Variants in RP1 observed in about 807,000 individuals in gnomAD.
RP1 encodes RP1 axonemal microtubule associated.
In RP1, 16 loss-of-function variants were observed where a neutral mutation model predicts 14.8. The ratio of observed to expected loss-of-function variants is 1.08; its 90% confidence interval spans 0.73 to 1.65. The LOEUF is 1.65. RP1 is among the 40% of genes most tolerant of loss of function. The pLI, the probability that RP1 is intolerant of heterozygous loss-of-function variation, is 0.00. For synonymous variants in RP1, 876 were observed against 883.6 expected, an observed-to-expected ratio of 0.99 and a Z score of 0.15; for missense variants, 2,631 against 2,535.0, an observed-to-expected ratio of 1.04 and a Z score of -0.81.
In RP1 at chr8:54,691,684, G is replaced by A. The variant is rs367999162; in HGVS notation, c.1718-7783G>A. Among the ~76,000 whole-genome samples, 7 of 152,062 alleles carry A rather than the reference G, an allele frequency of 4.6e-5. No homozygotes were observed. The East Asian group carries it at 1.2e-3, about 25-fold the overall frequency. On this transcript the variant is annotated intron_variant, in intron 12 of 22. Coordinates refer to the RP1 transcript ENST00000636932. Reference sequence around the variant, plus strand: ...AACACCTTTGAGTGAAGAGCATGTAGGGGACAAGGGAAAACTTCCCCTTTT... The same window carrying A: ...AACACCTTTGAGTGAAGAGCATGTAAGGGACAAGGGAAAACTTCCCCTTTT...
chr8:54,643,503 A>G (rs1020106887), intron 3 of RP1, among the ~76,000 whole-genome samples: 1 of 152,218 alleles, frequency 6.6e-6, no homozygotes, highest in Non-Finnish European at 1.5e-5. Flanking sequence ...CTTAAGATTC[A>G]TCCAAGCTGT....
chr8:54,744,699 TC>T (rs1209146582), intron 19 of RP1, among the ~76,000 whole-genome samples: 2 of 152,222 alleles, frequency 1.3e-5, no homozygotes, highest in African/African-American at 2.4e-5. Context: ...ATTTCTTCCC[TC>T]AGTATTTCAC....
At chr8:54,594,898 A>T (rs945159626) in intron 1 of RP1, among the ~76,000 whole-genome samples, 1 of 152,178 alleles carries the variant, frequency 6.6e-6, no homozygotes, top group African/African-American at 2.4e-5. Flanking sequence ...AGAATTTGTG[A>T]TGATAGCATA....
chr8:54,749,069 T>C (rs1809297192), intron 19 of RP1, among the ~76,000 whole-genome samples: 1 of 152,188 alleles, frequency 6.6e-6, no homozygotes, highest in Non-Finnish European at 1.5e-5. Flanking sequence ...AAGATTATTT[T>C]ATTTATTTTG....
intron 21 of RP1, among the ~76,000 whole-genome samples, chr8:54,756,774 C>T (rs935016732): frequency 1.3e-5 from 2 of 152,128 alleles, no homozygotes; most frequent in Non-Finnish European, 2.9e-5. Flanking sequence ...CTCCATGTAC[C>T]CTGGCTGCCT....
At chr8:54,562,348 A>G (rs917211612) in intron 1 of RP1, among the ~76,000 whole-genome samples, 1 of 152,238 alleles carries the variant, frequency 6.6e-6, no homozygotes, top group Non-Finnish European at 1.5e-5. Context: ...CTGAGGCTGT[A>G]ATAACATTTG....
chr8:54,679,284 G>T, intron 9 of RP1: 1 of 724,696 alleles, frequency 1.4e-6, no homozygotes, highest in South Asian at 1.7e-5. Context: ...ATTCTGTACT[G>T]CTCTGCCTTT....
At chr8:54,800,066 A>T (rs1810667908) in intron 24 of RP1, among the ~76,000 whole-genome samples, 2 of 150,372 alleles carry the variant, frequency 1.3e-5, no homozygotes. Context: ...TTGTATGAGA[A>T]GGTCTTTATT....
At chr8:54,662,967 T>G (rs193063687) in intron 6 of RP1, among the ~76,000 whole-genome samples, 244 of 152,272 alleles carry the variant, frequency 1.6e-3, no homozygotes, top group Non-Finnish European at 2.8e-3. Flanking sequence ...TTATCCATGG[T>G]TTTTCTCTCC....
chr8:54,862,463 TTGTC>T (rs1812365619), intron 27 of RP1, among the ~76,000 whole-genome samples: 1 of 152,184 alleles, frequency 6.6e-6, no homozygotes, highest in African/African-American at 2.4e-5. Flanking sequence ...CTGAATTTCT[TTGTC>T]TGTGGAAATA....
At chr8:54,763,704 C>T (rs1563369414) in intron 22 of RP1, among the ~76,000 whole-genome samples, 3 of 152,038 alleles carry the variant, frequency 2.0e-5, no homozygotes, top group South Asian at 2.1e-4. Context: ...ACAAACAAAA[C>T]GAATCTAACT....
At chr8:54,800,356 A>G (rs2129388648) in intron 24 of RP1, among the ~76,000 whole-genome samples, 1 of 151,490 alleles carries the variant, frequency 6.6e-6, no homozygotes, top group African/African-American at 2.4e-5. Flanking sequence ...GTGTATTAGT[A>G]TTTATCCTGG....
chr8:54,803,076 C>T (rs1222547558), intron 24 of RP1, among the ~76,000 whole-genome samples: 1 of 152,142 alleles, frequency 6.6e-6, no homozygotes, highest in Non-Finnish European at 1.5e-5. Flanking sequence ...AACATTTACC[C>T]TTTTTGTGAG....
chr8:54,870,051 C>T (rs1002651861), exon 29 of RP1: 10 of 478,652 alleles, frequency 2.1e-5, no homozygotes, highest in African/African-American at 6.0e-5. Flanking sequence ...TGGGGAGGGT[C>T]AGTTTGTGTT....
intron 22 of RP1, among the ~76,000 whole-genome samples, chr8:54,766,331 G>A (rs1809760276): frequency 6.6e-6 from 1 of 152,122 alleles, no homozygotes; most frequent in Non-Finnish European, 1.5e-5. Context: ...AAATTATCAT[G>A]AGGCAGTGAG....
rs185707813 is a variant in RP1, at chr8:54,679,838, A to G, written c.1622A>G (p.Asn541Ser). The change falls in exon 12 of 23, where the codon AAT (asparagine) becomes AGT (serine). Residue 541 changes from asparagine (N) to serine (S), a missense_variant. Physicochemically the swap from Asn to Ser is conservative, Grantham distance 46 (BLOSUM62 1). Coordinates refer to the RP1 transcript ENST00000636932. ...GAAAGCTGGAAGTTTACAAAAGGAAATACTCTTCAGTTCTATAACAAGCTG... is the reference window on the plus strand; with the variant it reads ...GAAAGCTGGAAGTTTACAAAAGGAAGTACTCTTCAGTTCTATAACAAGCTG... 1,315 of 1,536,076 alleles carry G rather than the reference A, an allele frequency of 8.6e-4. 9 individuals carry two copies. Among genetic ancestry groups the G allele is most frequent in the East Asian group, 5.0e-3 (204 of 40,910 alleles).
chr8:54,646,230 G>C (rs1345278352), intron 3 of RP1, among the ~76,000 whole-genome samples: 1 of 121,172 alleles, frequency 8.3e-6, no homozygotes, highest in Non-Finnish European at 1.9e-5. Context: ...TCTTTCTGCT[G>C]ATGTTTCTTT....
upstream of RP1, among the ~76,000 whole-genome samples, chr8:54,611,981 C>A (rs1019363035): frequency 4.6e-5 from 7 of 151,124 alleles, no homozygotes; most frequent in Non-Finnish European, 7.4e-5. Context: ...GATCAGCCTG[C>A]AGTAGAAGCT....
intron 3 of RP1, among the ~76,000 whole-genome samples, chr8:54,643,935 C>G (rs916465092): frequency 6.6e-6 from 1 of 152,154 alleles, no homozygotes; most frequent in Non-Finnish European, 1.5e-5. Flanking sequence ...TTTACCGCAT[C>G]CCAATATTCC....
Sources: gnomAD v4.1 joint callset for allele counts (sites outside exome capture counted in the v4.1 genomes callset) on GRCh38, gnomAD v4.1.1 for gene constraint, MANE v1.5 for transcripts, NCBI Gene and HGNC (gene_info 2026-07-23, HGNC 2026-07-21) for gene names.